The following KCNQ3 variants were observed in gnomAD, a reference collection of about 807,000 sequenced individuals.
The protein encoded by KCNQ3 is potassium voltage-gated channel subfamily KQT member 3.
KCNQ3 carries 30 observed loss-of-function variants against 92.5 expected under a neutral mutation model. That is an observed-to-expected ratio of 0.32 (90% CI 0.24 to 0.44). The LOEUF is 0.44. Among genes scored for constraint, KCNQ3 ranks in the 20% least tolerant of loss-of-function variants. KCNQ3 has a pLI of 1.00. For missense variants in KCNQ3, 913 were observed against 1,140.3 expected, an observed-to-expected ratio of 0.80 and a Z score of 2.87; for synonymous variants, 450 against 468.8, an observed-to-expected ratio of 0.96 and a Z score of 0.52.
intron 1 of KCNQ3, among the ~76,000 whole-genome samples, chr8:132,250,287 G>C (rs1192124561): frequency 6.6e-6 from 1 of 152,166 alleles, no homozygotes; most frequent in Non-Finnish European, 1.5e-5. Flanking sequence ...CAGAGCCAAG[G>C]GACAAGGAGA....
At chr8:132,278,532 T>C (rs1324447078) in intron 1 of KCNQ3, among the ~76,000 whole-genome samples, 1 of 152,204 alleles carries the variant, frequency 6.6e-6, no homozygotes, top group Non-Finnish European at 1.5e-5. Flanking sequence ...GAGTCAGACC[T>C]TCTGAACACA....
At chr8:132,141,978 TCA>T (rs1402478391) in intron 9 of KCNQ3, among the ~76,000 whole-genome samples, 2 of 152,186 alleles carry the variant, frequency 1.3e-5, no homozygotes, top group African/African-American at 4.8e-5. Flanking sequence ...ACAACAGAAA[TCA>T]CAGATAATTT....
chr8:132,374,724 G>A (rs1462328924), intron 1 of KCNQ3, among the ~76,000 whole-genome samples: 3 of 151,938 alleles, frequency 2.0e-5, no homozygotes, highest in Non-Finnish European at 4.4e-5. Context: ...TCCCCTCTGT[G>A]CATCCACGTT....
chr8:132,282,097 A>G (rs1202290963), intron 1 of KCNQ3, among the ~76,000 whole-genome samples: 2 of 152,038 alleles, frequency 1.3e-5, no homozygotes, highest in African/African-American at 2.4e-5. Flanking sequence ...AGCATCCTAT[A>G]CCCAAAGCAC....
Position 132,235,277 on chromosome 8 carries a change from G to A in KCNQ3, c.387-49096C>T, listed in dbSNP as rs186362640. ...ACTTTGGGAGGCCAAGGGTGGGGGG[G>A]GAATCACCTGAGGTCAGGAGTTCGA... On this transcript the variant is annotated intron_variant, in intron 1 of 14. Coordinates refer to ENST00000388996, the MANE Select transcript of KCNQ3 (RefSeq NM_004519.4). Among the ~76,000 whole-genome samples the A allele has an allele frequency of 4.6e-3, 702 of 152,110 alleles. 20 individuals are homozygous for A. The highest frequency in any genetic ancestry group is 0.036 in the Admixed American group (553 of 15,272).
At chr8:132,148,763 T>G (rs1825541235) in intron 9 of KCNQ3, among the ~76,000 whole-genome samples, 1 of 152,248 alleles carries the variant, frequency 6.6e-6, no homozygotes, top group African/African-American at 2.4e-5. Flanking sequence ...ATTCATATTC[T>G]CTTGCCCTTG....
At chr8:132,140,221 G>A (rs1206209823) in intron 10 of KCNQ3, 43 bp from the exon 11 acceptor site, 2 of 1,484,344 alleles carry the variant, frequency 1.3e-6, no homozygotes, top group Admixed American at 1.7e-5. Flanking sequence ...CACAGACCTG[G>A]AAAAGGCTTG....
At chr8:132,437,294 T>A (rs1363374383) in intron 1 of KCNQ3, among the ~76,000 whole-genome samples, 1 of 147,528 alleles carries the variant, frequency 6.8e-6, no homozygotes, top group East Asian at 2.0e-4. Flanking sequence ...AAAATAAAAA[T>A]AAAAAATAAA....
chr8:132,431,941 C>T (rs1821261716), intron 1 of KCNQ3, among the ~76,000 whole-genome samples: 1 of 152,198 alleles, frequency 6.6e-6, no homozygotes, highest in Admixed American at 6.5e-5. Flanking sequence ...TAAAACCTAA[C>T]TGCAGCCTTG....
chr8:132,408,438 C>A (rs1377196977), intron 1 of KCNQ3, among the ~76,000 whole-genome samples: 1 of 152,172 alleles, frequency 6.6e-6, no homozygotes, highest in Non-Finnish European at 1.5e-5. Context: ...CTACCTGATG[C>A]TGTGCCCTGG....
At chr8:132,187,812 G>GGTGGTGGTGGTGGTGGTGATT (rs1214691009) in intron 1 of KCNQ3, among the ~76,000 whole-genome samples, 2 of 146,062 alleles carry the variant, frequency 1.4e-5, no homozygotes, top group Non-Finnish European at 3.0e-5. Context: ...TAGTGATGGT[G>GGTGGTGGTGGTGGTGGTGATT]GTGGTGGTGG....
At chr8:132,258,628 G>A (rs1361240045) in intron 1 of KCNQ3, among the ~76,000 whole-genome samples, 1 of 151,910 alleles carries the variant, frequency 6.6e-6, no homozygotes, top group Admixed American at 6.6e-5. Context: ...GAACCGTAAA[G>A]TAGGCAGAAG....
chr8:132,461,493 AG>A (rs777376026), intron 1 of KCNQ3, among the ~76,000 whole-genome samples: 2 of 152,142 alleles, frequency 1.3e-5, no homozygotes, highest in Non-Finnish European at 2.9e-5. Context: ...TGAACCCAGG[AG>A]GTGAAGGTTG....
At chr8:132,269,621 G>A (rs1477443247) in intron 1 of KCNQ3, among the ~76,000 whole-genome samples, 10 of 150,654 alleles carry the variant, frequency 6.6e-5, no homozygotes, top group African/African-American at 9.8e-5. Flanking sequence ...TGAAACAACC[G>A]AGCCCCCTAT....
chr8:132,351,694 C>G (rs1466697321), intron 1 of KCNQ3, among the ~76,000 whole-genome samples: 3 of 152,196 alleles, frequency 2.0e-5, no homozygotes, highest in African/African-American at 7.2e-5. Flanking sequence ...GCACTGTGAC[C>G]ACTTGGAAGC....
chr8:132,317,496 C>T (rs1057385732), intron 1 of KCNQ3, among the ~76,000 whole-genome samples: 4 of 152,208 alleles, frequency 2.6e-5, no homozygotes, highest in Admixed American at 2.0e-4. Context: ...ATGAGTTTGA[C>T]TTAAACATAT....
rs148225194 is a variant in KCNQ3 at position 132,419,852 on chromosome 8, A to G, written c.386+60295T>C. Among the ~76,000 whole-genome samples, 167 of 152,338 alleles carry G rather than the reference A, an allele frequency of 1.1e-3. 1 individual carries two copies. Among genetic ancestry groups the G allele is most frequent in the Admixed American group, 4.8e-3 (73 of 15,302 alleles). On this transcript the variant is annotated intron_variant, in intron 1 of 14. Transcript: ENST00000388996. ...CTGTAATTGAGCCCAGTACTGTCTT[A>G]CCGGAAAACCTGCATTCTTCCAAAC...
chr8:132,287,443 G>A (rs929718793), intron 1 of KCNQ3, among the ~76,000 whole-genome samples: 2 of 152,174 alleles, frequency 1.3e-5, no homozygotes, highest in African/African-American at 4.8e-5. Context: ...GTTGAAAACA[G>A]GTATTTAAAC....
At chr8:132,212,218 C>A (rs1813883568) in intron 1 of KCNQ3, among the ~76,000 whole-genome samples, 1 of 152,072 alleles carries the variant, frequency 6.6e-6, no homozygotes, top group South Asian at 2.1e-4. Context: ...ACTCACTTTT[C>A]CAACTCAAGA....
Sources: allele counts gnomAD v4.1 joint callset (sites outside exome capture counted in the v4.1 genomes callset), GRCh38; gene constraint gnomAD v4.1.1; transcripts MANE v1.5; gene names NCBI Gene and HGNC (gene_info 2026-07-23, HGNC 2026-07-21).